The following ETS1 variants were observed in gnomAD, a reference collection of about 807,000 sequenced individuals.
ETS1 encodes the protein protein C-ets-1.
Under a neutral mutation model 58.6 loss-of-function variants are expected in ETS1, and 15 were observed. That is an observed-to-expected ratio of 0.26 (90% CI 0.17 to 0.39). ETS1 has a LOEUF of 0.39. ETS1 is among the 10% of genes least tolerant of loss of function. The pLI is 1.00. For missense variants in ETS1, 417 were observed against 610.5 expected, an observed-to-expected ratio of 0.68 and a Z score of 3.34; for synonymous variants, 214 against 218.2, an observed-to-expected ratio of 0.98 and a Z score of 0.17.
chr11:128,476,619 G>A (rs1217589651), intron 8 of ETS1, among the ~76,000 whole-genome samples: 1 of 152,214 alleles, frequency 6.6e-6, no homozygotes, highest in East Asian at 1.9e-4. Context: ...TACTGAAATG[G>A]AGAAGCAAGA....
chr11:128,500,399 T>C (rs1863056873), intron 3 of ETS1, among the ~76,000 whole-genome samples: 1 of 152,164 alleles, frequency 6.6e-6, no homozygotes, highest in South Asian at 2.1e-4. Context: ...TATTTATTTA[T>C]ACATTATATA....
intron 3 of ETS1, among the ~76,000 whole-genome samples, chr11:128,519,288 A>G (rs189668774): frequency 1.1e-4 from 16 of 152,156 alleles, no homozygotes; most frequent in African/African-American, 3.6e-4. Flanking sequence ...CAAATAATCC[A>G]GGTCTTGCGG....
At chr11:128,499,884 G>A (rs1208385734) in intron 3 of ETS1, among the ~76,000 whole-genome samples, 1 of 152,040 alleles carries the variant, frequency 6.6e-6, no homozygotes, top group Non-Finnish European at 1.5e-5. Flanking sequence ...TTTCTCCATG[G>A]GCAAATGAAA....
At chr11:128,584,585 C>T (rs1346267252) in intron 1 of ETS1, among the ~76,000 whole-genome samples, 1 of 152,078 alleles carries the variant, frequency 6.6e-6, no homozygotes, top group Admixed American at 6.5e-5. Context: ...GCTGAGTATT[C>T]CTCCTTAGGT....
intron 1 of ETS1, among the ~76,000 whole-genome samples, chr11:128,577,843 T>C (rs1473696411): frequency 1.3e-5 from 2 of 148,996 alleles, no homozygotes; most frequent in Admixed American, 1.3e-4. Context: ...TGTGCAATGC[T>C]AAGAAAAAAA....
chr11:128,580,681 G>T (rs995340083), intron 1 of ETS1, among the ~76,000 whole-genome samples: 7 of 152,324 alleles, frequency 4.6e-5, no homozygotes, highest in Admixed American at 1.3e-4. Context: ...TGAAGGCTGT[G>T]TTCCAAATTA....
At chr11:128,471,913 A>G (rs1591594015) in intron 8 of ETS1, among the ~76,000 whole-genome samples, 1 of 152,232 alleles carries the variant, frequency 6.6e-6, no homozygotes, top group East Asian at 1.9e-4. Context: ...CTGCATGTCA[A>G]CAATGAGAGA....
At chr11:128,556,251 C>A (rs769496615) in intron 3 of ETS1, 40 bp downstream of exon 3, 1 of 1,559,432 alleles carries the variant, frequency 6.4e-7, no homozygotes, top group Non-Finnish European at 8.7e-7. Context: ...CATTGTCCTT[C>A]AACTCTATCC....
intron 3 of ETS1, among the ~76,000 whole-genome samples, chr11:128,514,116 G>A (rs555948111): frequency 5.9e-5 from 9 of 152,208 alleles, no homozygotes; most frequent in South Asian, 2.1e-4. Context: ...GTGCCTGACC[G>A]AGGTTATTTT....
chr11:128,506,845 T>A (rs1329040064), intron 3 of ETS1, among the ~76,000 whole-genome samples: 2 of 152,040 alleles, frequency 1.3e-5, no homozygotes, highest in African/African-American at 4.8e-5. Context: ...GGGCCACAGG[T>A]TCTAGGAGAC....
rs1864337101 is a variant in ETS1, at chr11:128,557,871, CTCT to C, written c.70-1439_70-1437del. On this transcript the variant is annotated intron_variant, in intron 2 of 9. Coordinates refer to ENST00000392668, the MANE Select transcript of ETS1 (RefSeq NM_001143820.2). ...TCTCCAACTGGAGAACTTACGTCTTCTCTTCTTCTGAGCATACAAGAATTCAGT... is the reference window on the plus strand; with the variant it reads ...TCTCCAACTGGAGAACTTACGTCTTCTCTTCTGAGCATACAAGAATTCAGT... 1.1e-4 allele frequency among the ~76,000 whole-genome samples: 16 copies of C among 152,314 alleles called. 1 individual carries two copies. In the South Asian group the frequency reaches 3.3e-3, roughly 32 times the overall value.
intron 3 of ETS1, among the ~76,000 whole-genome samples, chr11:128,533,274 T>G (rs575778126): frequency 1.3e-5 from 2 of 152,364 alleles, no homozygotes; most frequent in Non-Finnish European, 2.9e-5. Flanking sequence ...ACACAAGGGC[T>G]GCCGCCGCCA....
intron 3 of ETS1, among the ~76,000 whole-genome samples, chr11:128,496,596 T>TG (rs1379454750): frequency 1.3e-5 from 2 of 152,172 alleles, no homozygotes; most frequent in Non-Finnish European, 2.9e-5. Context: ...TGATGACCCC[T>TG]GGAGGGTGGT....
intron 3 of ETS1, among the ~76,000 whole-genome samples, chr11:128,500,662 C>T (rs1863063273): frequency 6.6e-6 from 1 of 152,212 alleles, no homozygotes; most frequent in South Asian, 2.1e-4. Flanking sequence ...GTGCAACTGT[C>T]TGTTTTCAAC....
intron 2 of ETS1, among the ~76,000 whole-genome samples, chr11:128,568,411 G>T (rs1048966613): frequency 2.0e-5 from 3 of 152,238 alleles, no homozygotes; most frequent in Admixed American, 6.5e-5. Context: ...CAGGCTCACA[G>T]CGGGCTTGGG....
chr11:128,474,964 C>T (rs1018521706), intron 8 of ETS1, among the ~76,000 whole-genome samples: 1 of 152,276 alleles, frequency 6.6e-6, no homozygotes, highest in Non-Finnish European at 1.5e-5. Context: ...CTGCAGACCT[C>T]AGTGAAATGC....
chr11:128,561,379 T>C (rs1309054556), intron 2 of ETS1, among the ~76,000 whole-genome samples: 2 of 152,372 alleles, frequency 1.3e-5, no homozygotes, highest in African/African-American at 4.8e-5. Flanking sequence ...CTGAGCCACA[T>C]TGGGAAAAAT....
chr11:128,474,337 GC>G (rs1862264307), intron 8 of ETS1, among the ~76,000 whole-genome samples: 1 of 152,086 alleles, frequency 6.6e-6, no homozygotes, highest in South Asian at 2.1e-4. Context: ...GTCTTTGAAA[GC>G]CATGACAGAA....
intron 8 of ETS1, among the ~76,000 whole-genome samples, chr11:128,470,755 C>T (rs1042418322): frequency 7.2e-5 from 11 of 151,888 alleles, no homozygotes; most frequent in African/African-American, 9.7e-5. Flanking sequence ...AATTGGCCTT[C>T]GTATGGCAAC....
Sources: gnomAD v4.1 joint callset for allele counts (sites outside exome capture counted in the v4.1 genomes callset) on GRCh38, gnomAD v4.1.1 for gene constraint, MANE v1.5 for transcripts, NCBI Gene and HGNC (gene_info 2026-07-23, HGNC 2026-07-21) for gene names.